ZC2HC1A: variants seen among roughly 807,000 people sequenced by gnomAD.
ZC2HC1A encodes the protein zinc finger C2HC-type containing 1A, also known as zinc finger C2HC domain-containing protein 1A.
ZC2HC1A carries 28 observed loss-of-function variants against 40.7 expected under a neutral mutation model. That is an observed-to-expected ratio of 0.69 (90% CI 0.51 to 0.94). ZC2HC1A has a LOEUF of 0.94. ZC2HC1A is among the 40% of genes least tolerant of loss of function. The pLI is 0.00. For synonymous variants in ZC2HC1A, 129 were observed against 129.2 expected (o/e 1.00, Z 0.01); for missense variants, 389 against 386.3 (o/e 1.01, Z -0.06).
chr8:78,673,835 TAATGACATTCTTCTCTA>T (rs1476101447), intron 1 of ZC2HC1A, among the ~76,000 whole-genome samples: 2 of 152,170 alleles, frequency 1.3e-5, no homozygotes, highest in Admixed American at 1.3e-4. Flanking sequence ...TTGGGTGAAG[TAATGACATTCTTCTCTA>T]AACAATATTT....
chr8:78,708,063 TATC>T (rs1388623420), intron 7 of ZC2HC1A, among the ~76,000 whole-genome samples: 2 of 152,202 alleles, frequency 1.3e-5, no homozygotes, highest in Admixed American at 1.3e-4. Context: ...GTCACAGAAT[TATC>T]ATCTGGTACC....
intron 5 of ZC2HC1A, among the ~76,000 whole-genome samples, chr8:78,690,966 A>G (rs1810192871): frequency 6.6e-6 from 1 of 152,154 alleles, no homozygotes; most frequent in Non-Finnish European, 1.5e-5. Flanking sequence ...TTTACTAATA[A>G]TAGTCTTCTT....
intron 7 of ZC2HC1A, among the ~76,000 whole-genome samples, chr8:78,714,020 T>C (rs1324192748): frequency 1.3e-5 from 2 of 152,196 alleles, no homozygotes; most frequent in Non-Finnish European, 2.9e-5. Flanking sequence ...TACTTTGCCA[T>C]ATAAGTAGAG....
At chr8:78,716,634 G>C in intron 8 of ZC2HC1A, among the ~76,000 whole-genome samples, 1 of 152,118 alleles carries the variant, frequency 6.6e-6, no homozygotes. Context: ...TTTAGAGATG[G>C]GTTTGCAGAA....
At chr8:78,677,878 T>G (rs1809633587) in intron 2 of ZC2HC1A, among the ~76,000 whole-genome samples, 2 of 152,180 alleles carry the variant, frequency 1.3e-5, no homozygotes, top group Admixed American at 1.3e-4. Flanking sequence ...AGAGCAGCCC[T>G]GAAGGCTGCT....
At chr8:78,710,481 G>T (rs1289602885) in intron 7 of ZC2HC1A, among the ~76,000 whole-genome samples, 1 of 151,888 alleles carries the variant, frequency 6.6e-6, no homozygotes, top group Admixed American at 6.6e-5. Flanking sequence ...TTCTTGAACT[G>T]AACTTTGTTG....
intron 7 of ZC2HC1A, among the ~76,000 whole-genome samples, chr8:78,699,928 A>T (rs1306980370): frequency 6.6e-6 from 1 of 152,062 alleles, no homozygotes; most frequent in Non-Finnish European, 1.5e-5. Flanking sequence ...TGCAGTGAAC[A>T]TATGTGTGTG....
intron 4 of ZC2HC1A, among the ~76,000 whole-genome samples, chr8:78,687,856 A>G (rs1289295227): frequency 1.4e-3 from 119 of 84,958 alleles, no homozygotes; most frequent in Non-Finnish European, 3.4e-3. Context: ...TATTTATATA[A>G]TATATATCTA....
rs374049698 is a variant in ZC2HC1A at position 78,715,242 on chromosome 8, T to G, written c.726T>G (p.Asn242Lys). The stretch of plus-strand genomic sequence containing the variant: ...ATAGAGCTAATGTCAAACCCCGAAA[T>G]TCCACACCACCTAGTTTGGCAAGAA... Reference protein sequence around the residue: ...PHAGANVKPRNSTPPSLARNP... With the variant: ...PHAGANVKPRKSTPPSLARNP... Residue 242 changes from asparagine (N) to lysine (K), a missense_variant, in exon 8 of 9, where the codon AAT becomes AAG. Asn to Lys is a moderately conservative substitution (Grantham distance 94, BLOSUM62 0). Transcript: ENST00000263849. 1.2e-6 allele frequency: 2 copies of G among 1,613,796 alleles called. No individual in the cohort carries two copies. The highest frequency in any genetic ancestry group is 1.7e-6 in the Non-Finnish European group (2 of 1,179,864).
At chr8:78,679,710 C>T (rs1056019202) in intron 3 of ZC2HC1A, among the ~76,000 whole-genome samples, 1 of 152,142 alleles carries the variant, frequency 6.6e-6, no homozygotes, top group Non-Finnish European at 1.5e-5. Flanking sequence ...CAGAATCCTA[C>T]TGTTAATGGT....
chr8:78,669,025 G>A (rs965962147), intron 1 of ZC2HC1A, among the ~76,000 whole-genome samples: 1 of 152,124 alleles, frequency 6.6e-6, no homozygotes, highest in African/African-American at 2.4e-5. Flanking sequence ...TTAGAAGACT[G>A]ATTGCTCTTC....
At chr8:78,675,540 A>G (rs1809552783) in intron 1 of ZC2HC1A, among the ~76,000 whole-genome samples, 1 of 151,984 alleles carries the variant, frequency 6.6e-6, no homozygotes, top group South Asian at 2.1e-4. Context: ...AAAACTAGAT[A>G]TTTCCAGCAG....
At chr8:78,707,873 A>G (rs1293047957) in intron 7 of ZC2HC1A, among the ~76,000 whole-genome samples, 1 of 147,146 alleles carries the variant, frequency 6.8e-6, no homozygotes, top group Non-Finnish European at 1.5e-5. Context: ...TTTTTTAAGA[A>G]TTAGTGAAGT....
At chr8:78,701,131 A>G (rs1810589076) in intron 7 of ZC2HC1A, among the ~76,000 whole-genome samples, 2 of 152,180 alleles carry the variant, frequency 1.3e-5, no homozygotes, top group African/African-American at 4.8e-5. Flanking sequence ...TGAGCATGGA[A>G]TATTTTTTCA....
chr8:78,702,022 T>A (rs933014989), intron 7 of ZC2HC1A, among the ~76,000 whole-genome samples: 4 of 152,158 alleles, frequency 2.6e-5, no homozygotes, highest in African/African-American at 9.7e-5. Flanking sequence ...TCTTCTCAAT[T>A]TTTTGGAATA....
intron 1 of ZC2HC1A, among the ~76,000 whole-genome samples, chr8:78,670,327 G>C (rs1213531848): frequency 3.3e-5 from 5 of 152,156 alleles, no homozygotes; most frequent in Non-Finnish European, 5.9e-5. Context: ...TTCAGACAGT[G>C]AGTGAATGAG....
intron 7 of ZC2HC1A, among the ~76,000 whole-genome samples, chr8:78,714,472 G>A (rs1056436367): frequency 1.3e-4 from 20 of 152,112 alleles, no homozygotes; most frequent in Non-Finnish European, 2.2e-4. Flanking sequence ...CTTTCTATAA[G>A]TGATCATTTT....
intron 4 of ZC2HC1A, among the ~76,000 whole-genome samples, chr8:78,687,982 AT>A (rs893330211): frequency 2.1e-5 from 3 of 145,312 alleles, no homozygotes; most frequent in Non-Finnish European, 4.5e-5. Flanking sequence ...ATATATATAA[AT>A]TATATATATA....
intron 5 of ZC2HC1A, among the ~76,000 whole-genome samples, chr8:78,690,844 A>C (rs1375163258): frequency 6.6e-6 from 1 of 152,138 alleles, no homozygotes; most frequent in African/African-American, 2.4e-5. Context: ...ATGTATTTGG[A>C]TGATCTTGTA....
Sources: allele counts gnomAD v4.1 joint callset (sites outside exome capture counted in the v4.1 genomes callset), GRCh38; gene constraint gnomAD v4.1.1; transcripts MANE v1.5; gene names NCBI Gene and HGNC (gene_info 2026-07-23, HGNC 2026-07-21).